MYO18B: variants seen among roughly 807,000 people sequenced by gnomAD.
MYO18B encodes myosin XVIIIB.
A neutral mutation model predicts 273.0 loss-of-function variants in MYO18B; 204 were observed. The observed-to-expected ratio is 0.75, with a 90% CI of 0.67 to 0.84. MYO18B has a LOEUF of 0.84. Ranked by LOEUF, MYO18B falls within the 40% of genes least tolerant of loss-of-function variation. The pLI, the probability that MYO18B is intolerant of heterozygous loss-of-function variation, is 0.00. For synonymous variants in MYO18B, 1,330 were observed against 1,305.7 expected (o/e 1.02, Z -0.40); for missense variants, 3,212 against 3,287.6 (o/e 0.98, Z 0.56).
At chr22:26,050,199 T>C in the MYO18B span, among the ~76,000 whole-genome samples, 1 of 152,100 alleles carries the variant, frequency 6.6e-6, no homozygotes, top group Non-Finnish European at 1.5e-5. Context: ...TAAATATGAG[T>C]TGGCAGTGTG....
chr22:26,020,710 G>T (rs1025739100), intron 42 of MYO18B, among the ~76,000 whole-genome samples: 1 of 152,154 alleles, frequency 6.6e-6, no homozygotes, highest in Non-Finnish European at 1.5e-5. Flanking sequence ...CATATGGCAT[G>T]CATCATCTCT....
intron 36 of MYO18B, among the ~76,000 whole-genome samples, chr22:25,948,179 GTCCA>G (rs1213817830): frequency 6.6e-6 from 1 of 151,762 alleles, no homozygotes; most frequent in Non-Finnish European, 1.5e-5. Context: ...TCTATCCATT[GTCCA>G]TCCATCCATC....
At chr22:25,934,459 C>A (rs964972118) in intron 34 of MYO18B, among the ~76,000 whole-genome samples, 36 of 152,006 alleles carry the variant, frequency 2.4e-4, no homozygotes, top group African/African-American at 7.5e-4. Flanking sequence ...CTCTGTGAAC[C>A]CCCAGAATTT....
the MYO18B span, among the ~76,000 whole-genome samples, chr22:26,037,538 TGAAAGAGTTC>T: frequency 2.0e-5 from 3 of 152,168 alleles, no homozygotes; most frequent in Non-Finnish European, 2.9e-5. Context: ...AGGGAACATT[TGAAAGAGTTC>T]CAAAGATTTC....
intron 21 of MYO18B, among the ~76,000 whole-genome samples, chr22:25,861,834 TTAATACTAAC>T (rs2090746510): frequency 6.6e-6 from 1 of 152,170 alleles, no homozygotes; most frequent in South Asian, 2.1e-4. Flanking sequence ...CCACTTCAGA[TTAATACTAAC>T]TTAATTCTGG....
rs375401443 is a variant in MYO18B at position 25,846,152 on chromosome 22, C to T, written c.3421C>T (p.Arg1141Trp). Reference protein sequence around the residue: ...QARAKLPPVCRAVAGLEGTSQ... With the variant: ...QARAKLPPVCWAVAGLEGTSQ... The stretch of plus-strand genomic sequence containing the variant: ...CCGGGCCAAGCTGCCTCCTGTGTGC[C>T]GGGCTGTGGCAGGCCTGGAGGGCAC... The change falls in exon 19 of 44, where the codon CGG becomes TGG. Residue 1141 changes from arginine (R) to tryptophan (W), a missense_variant. Arg to Trp is a moderately radical substitution (Grantham distance 101). Transcript: ENST00000335473. The T allele has an allele frequency of 4.9e-5, 78 of 1,608,092 alleles. No homozygotes were observed. In the East Asian group the frequency reaches 7.2e-4, roughly 15 times the overall value.
chr22:25,916,422 A>T (rs1229488195), intron 33 of MYO18B, among the ~76,000 whole-genome samples: 1 of 151,984 alleles, frequency 6.6e-6, no homozygotes. Flanking sequence ...ACTCACCTTC[A>T]ATATTTTTTA....
At chr22:25,798,206 CTA>C (rs2088016060) in intron 12 of MYO18B, 109 bp downstream of exon 12, 2 of 1,349,478 alleles carry the variant, frequency 1.5e-6, no homozygotes, top group Admixed American at 5.7e-5. Context: ...CTGTCACCTT[CTA>C]TGTCTCTGGG....
At chr22:25,945,554 C>T (rs181509372) in intron 34 of MYO18B, among the ~76,000 whole-genome samples, 16 of 152,126 alleles carry the variant, frequency 1.1e-4, no homozygotes, top group Admixed American at 2.0e-4. Flanking sequence ...TTTGCTTTCT[C>T]CCAGGTGTGA....
rs759865572 is a variant in MYO18B at position 25,874,350 on chromosome 22, G to A, written c.4016G>A (p.Ser1339Asn). 1.9e-6 allele frequency: 3 copies of A among 1,614,012 alleles called. No homozygotes were observed. The highest frequency in any genetic ancestry group is 2.7e-5 in the African/African-American group (2 of 75,036). The change falls in exon 23 of 44, where the codon AGC becomes AAC. Residue 1339 changes from serine to asparagine, a missense_variant. Physicochemically the swap from Ser to Asn is conservative, Grantham distance 46. Coordinates refer to ENST00000335473, the MANE Select transcript of MYO18B (RefSeq NM_032608.7). ...CAGCGAGAGAAGCTGGTATCTCAGA[G>A]CATCGTTCTCTTCCAGGCGGCTTGC... Reference protein sequence around the residue: ...EKQREKLVSQSIVLFQAACKG... With the variant: ...EKQREKLVSQNIVLFQAACKG...
At chr22:25,781,053 A>G (rs769205287) in intron 9 of MYO18B, among the ~76,000 whole-genome samples, 3 of 152,232 alleles carry the variant, frequency 2.0e-5, no homozygotes, top group Non-Finnish European at 4.4e-5. Flanking sequence ...CTTCATGCCA[A>G]ATAAGTCCCT....
intron 12 of MYO18B, among the ~76,000 whole-genome samples, chr22:25,803,225 A>C: frequency 6.6e-6 from 1 of 151,898 alleles, no homozygotes; most frequent in East Asian, 1.9e-4. Flanking sequence ...AGCCTCCCAA[A>C]GTGCTGGGAT....
intron 34 of MYO18B, among the ~76,000 whole-genome samples, chr22:25,942,801 A>G (rs1012965763): frequency 2.0e-5 from 3 of 151,910 alleles, no homozygotes; most frequent in Non-Finnish European, 4.4e-5. Context: ...AGATAATCCT[A>G]TCTCCAGCCC....
chr22:25,829,111 C>A, intron 15 of MYO18B, 143 bp downstream of exon 15: 1 of 946,028 alleles, frequency 1.1e-6, no homozygotes, highest in Non-Finnish European at 1.5e-6. Context: ...TTTCCCCAGG[C>A]CTGGCTCCCC....
intron 39 of MYO18B, among the ~76,000 whole-genome samples, chr22:25,956,326 G>T (rs920487371): frequency 6.6e-6 from 1 of 150,792 alleles, no homozygotes; most frequent in African/African-American, 2.4e-5. Context: ...AGCGATTCTC[G>T]TGGCTCAGCT....
Position 25,768,281 on chromosome 22 carries a change from G to A in MYO18B, c.365G>A (p.Ser122Asn), listed in dbSNP as rs1455793783. The A allele has an allele frequency of 1.2e-6, 2 of 1,613,984 alleles. No homozygotes were observed. Among genetic ancestry groups the A allele is most frequent in the Non-Finnish European group, 8.5e-7 (1 of 1,179,874 alleles). ...AGCCCCGACCCTGAGCAGATGACAA[G>A]CATCAATGGTGAGAAGGCCCAGGAG... ...SRSPDPEQMTSINGEKAQELG... is the reference protein window; with the variant it reads ...SRSPDPEQMTNINGEKAQELG... The change falls in exon 4 of 44, where the codon AGC becomes AAC. Residue 122 changes from serine to asparagine, a missense_variant. By Grantham distance (46) the Ser-to-Asn change is conservative. Transcript: ENST00000335473.
At chr22:25,835,482 G>A (rs776399160) in intron 17 of MYO18B, 39 bp downstream of exon 17, 8 of 1,611,354 alleles carry the variant, frequency 5.0e-6, no homozygotes, top group South Asian at 1.1e-5. Context: ...CCTGAGTCCA[G>A]CCTGGGTATT....
intron 12 of MYO18B, among the ~76,000 whole-genome samples, chr22:25,814,504 G>A (rs1348086027): frequency 6.6e-6 from 1 of 151,808 alleles, no homozygotes; most frequent in Non-Finnish European, 1.5e-5. Context: ...ATCTCATGGA[G>A]TAGATGCTAT....
rs987165243 is a variant in MYO18B, at chr22:25,855,882, A to G, written c.3885+4303A>G. Among the ~76,000 whole-genome samples the G allele has an allele frequency of 1.3e-4, 18 of 143,864 alleles. No individual in the cohort carries two copies. In the East Asian group the frequency reaches 3.5e-3, roughly 28 times the overall value. 94.4% of individuals were successfully genotyped at this position (143,864 alleles called of 152,430 possible). A position where few individuals can be genotyped will look rare whatever the true frequency, so the allele number is the denominator to read the frequency against. On this transcript the variant is annotated intron_variant, in intron 21 of 43. Transcript: ENST00000335473. ...TCAGGGGAGGTACACATGCATGTTT[A>G]TTATCTAGGTAAATTTCATGTTACA...
Sources: gnomAD v4.1 joint callset for allele counts (sites outside exome capture counted in the v4.1 genomes callset) on GRCh38, gnomAD v4.1.1 for gene constraint, MANE v1.5 for transcripts, NCBI Gene and HGNC (gene_info 2026-07-23, HGNC 2026-07-21) for gene names.